CLRN1: variants seen among roughly 807,000 people sequenced by gnomAD.
CLRN1 encodes clarin-1.
In CLRN1, 15 loss-of-function variants were observed where a neutral mutation model predicts 18.7. The observed-to-expected ratio is 0.80, with a 90% CI of 0.54 to 1.23. CLRN1 has a LOEUF of 1.23. CLRN1 is among the 50% of genes most tolerant of loss of function. The pLI is 0.00. For missense variants in CLRN1, 311 were observed against 277.5 expected (o/e 1.12, Z -0.86); for synonymous variants, 104 against 102.9 (o/e 1.01, Z -0.07).
intron 1 of CLRN1, among the ~76,000 whole-genome samples, chr3:150,964,291 C>T (rs542176013): frequency 6.6e-6 from 1 of 152,074 alleles, no homozygotes; most frequent in Admixed American, 6.5e-5. Context: ...ATACGGCCAA[C>T]AAACATGAAA....
chr3:150,929,422 A>G (rs1346955194), intron 2 of CLRN1, among the ~76,000 whole-genome samples: 1 of 152,210 alleles, frequency 6.6e-6, no homozygotes, highest in Non-Finnish European at 1.5e-5. Context: ...ATCTCAGGCC[A>G]CCACAATAGG....
At chr3:150,972,342 A>G in intron 1 of CLRN1, 114 bp downstream of exon 1, 10 of 1,367,274 alleles carry the variant, frequency 7.3e-6, no homozygotes, top group Non-Finnish European at 1.0e-5. Flanking sequence ...TATGGTTCAC[A>G]CCGATTTAAA....
chr3:150,962,450 G>A (rs1207987039), intron 1 of CLRN1, among the ~76,000 whole-genome samples: 2 of 152,006 alleles, frequency 1.3e-5, no homozygotes, highest in South Asian at 4.2e-4. Flanking sequence ...AAAAATGGAC[G>A]TTTGTTTTTA....
rs1275408763 is a variant in CLRN1, at chr3:150,927,494, C to T, written c.*442G>A. On this transcript the variant is annotated 3_prime_UTR_variant, in exon 3 of 3. Transcript: ENST00000327047. ...ATTTTATAGATGTTCATTTAATACA[C>T]TACTGTTTTAGGAAAGCGATTGCAG... is the stretch of plus-strand genomic sequence containing the variant. 18 of 453,688 alleles carry T rather than the reference C, an allele frequency of 4.0e-5. No individual in the cohort carries two copies. The highest frequency in any genetic ancestry group is 7.5e-5 in the Non-Finnish European group (17 of 226,872). The allele number at this position is 453,688 out of a possible 1,614,324, so 28.1% of individuals were successfully genotyped here.
chr3:150,941,077 A>G (rs1247036560), intron 2 of CLRN1, among the ~76,000 whole-genome samples: 11 of 151,800 alleles, frequency 7.2e-5, no homozygotes, highest in Non-Finnish European at 8.8e-5. Context: ...AGTCCCCCAT[A>G]GTGTCATGGG....
intron 2 of CLRN1, among the ~76,000 whole-genome samples, chr3:150,931,373 T>C (rs1713134311): frequency 6.6e-6 from 1 of 152,184 alleles, no homozygotes. Flanking sequence ...TAGAGGGTTC[T>C]GCTCTGTCTC....
chr3:150,954,627 T>C (rs368674920), intron 1 of CLRN1, among the ~76,000 whole-genome samples: 21 of 152,356 alleles, frequency 1.4e-4, no homozygotes, highest in African/African-American at 4.6e-4. Context: ...AACTCCAATT[T>C]ATCAAGATTT....
Position 150,972,536 on chromosome 3 carries a change from A to G in CLRN1, c.173T>C (p.Met58Thr). ...NASGQELDKF[M>T]GEMQYGLFHG... ...GAAAAGCCCGTACTGCATTTCACCC[A>G]TAAACTTGTCCAGCTCCTGCCCTGA... is the stretch of plus-strand genomic sequence containing the variant. The change falls in exon 1 of 3, where the codon ATG becomes ACG. Residue 58 changes from methionine to threonine, a missense_variant. By Grantham distance (81) the Met-to-Thr change is moderately conservative (BLOSUM62 -1). Transcript: ENST00000327047. The G allele has an allele frequency of 6.2e-7, 1 of 1,614,204 alleles. No individual in the cohort carries two copies. Among genetic ancestry groups the G allele is most frequent in the East Asian group, 2.2e-5 (1 of 44,882 alleles).
chr3:150,960,652 C>T (rs1714978770), intron 1 of CLRN1, among the ~76,000 whole-genome samples: 1 of 152,140 alleles, frequency 6.6e-6, no homozygotes. Context: ...CTTGGACATC[C>T]TCTGTAATGG....
intron 1 of CLRN1, among the ~76,000 whole-genome samples, chr3:150,955,179 C>T (rs747259798): frequency 3.9e-5 from 6 of 152,120 alleles, no homozygotes; most frequent in African/African-American, 7.2e-5. Flanking sequence ...ATACAACATC[C>T]TGGAAAAAGC....
intron 1 of CLRN1, among the ~76,000 whole-genome samples, chr3:150,958,435 T>C (rs1714859960): frequency 6.6e-6 from 1 of 152,216 alleles, no homozygotes; most frequent in South Asian, 2.1e-4. Context: ...CTTGCCTTCC[T>C]TAAAAGGCTT....
rs1712931614 is a variant in CLRN1 at position 150,928,145 on chromosome 3, G to T, written c.490C>A (p.Leu164Ile). 1 of 1,613,590 alleles carries T rather than the reference G, an allele frequency of 6.2e-7. No individual in the cohort carries two copies. The highest frequency in any genetic ancestry group is 8.5e-7 in the Non-Finnish European group (1 of 1,179,968). Residue 164 changes from leucine (L) to isoleucine (I), a missense_variant, in exon 3 of 3, where the codon CTC becomes ATC. Transcript: ENST00000327047. ...LFASEVKIHHLSEKIANYKEG... is the reference protein window; with the variant it reads ...LFASEVKIHHISEKIANYKEG... ...TTATAATTTGCAATTTTTTCTGAGA[G>T]GTGATGGATTTTCACTTCAGAGGCA...
chr3:150,939,137 A>C (rs1713654559), intron 2 of CLRN1, among the ~76,000 whole-genome samples: 1 of 152,190 alleles, frequency 6.6e-6, no homozygotes, highest in Non-Finnish European at 1.5e-5. Flanking sequence ...TCCCCAAACT[A>C]GTTCTGCCTT....
At chr3:150,930,654 T>G (rs1383900522) in intron 2 of CLRN1, among the ~76,000 whole-genome samples, 2 of 152,218 alleles carry the variant, frequency 1.3e-5, no homozygotes, top group African/African-American at 2.4e-5. Flanking sequence ...TCTCTTTATC[T>G]TTTATTCGAA....
intron 2 of CLRN1, among the ~76,000 whole-genome samples, chr3:150,935,203 G>T (rs902671408): frequency 1.9e-4 from 28 of 151,188 alleles, no homozygotes; most frequent in Non-Finnish European, 3.8e-4. Flanking sequence ...TGCAGGTTAG[G>T]TACATATGTA....
chr3:150,955,796 A>G (rs937132191), intron 1 of CLRN1, among the ~76,000 whole-genome samples: 1 of 152,156 alleles, frequency 6.6e-6, no homozygotes, highest in South Asian at 2.1e-4. Context: ...TGTTTCTGTT[A>G]GTTTGTCCCA....
intron 1 of CLRN1, among the ~76,000 whole-genome samples, chr3:150,967,355 G>A (rs917358809): frequency 3.3e-5 from 5 of 152,054 alleles, no homozygotes; most frequent in Non-Finnish European, 7.4e-5. Flanking sequence ...TCACAATAGT[G>A]CTTCTCATAC....
chr3:150,927,704 C>A lies in CLRN1; in HGVS notation c.*232G>T, dbSNP rs1041498996. On this transcript the variant is annotated 3_prime_UTR_variant, in exon 3 of 3. Transcript: ENST00000327047. ...CAATTTGTCGATTCTAGTCAACTGCCTTTGACTACCTGGGTCAAGCAATTT... is the reference window on the plus strand; with the variant it reads ...CAATTTGTCGATTCTAGTCAACTGCATTTGACTACCTGGGTCAAGCAATTT... 1.7e-5 allele frequency: 11 copies of A among 664,244 alleles called. No individual in the cohort carries two copies. The East Asian group carries it at 3.3e-4, about 20-fold the overall frequency. 41.1% of individuals were successfully genotyped at this position (664,244 alleles called of 1,614,324 possible).
chr3:150,954,697 A>T (rs890963625), intron 1 of CLRN1, among the ~76,000 whole-genome samples: 4 of 152,222 alleles, frequency 2.6e-5, no homozygotes, highest in Non-Finnish European at 4.4e-5. Flanking sequence ...CAAGGTCACA[A>T]ATATTTTCTG....
Sources: allele counts gnomAD v4.1 joint callset (sites outside exome capture counted in the v4.1 genomes callset), GRCh38; gene constraint gnomAD v4.1.1; transcripts MANE v1.5; gene names NCBI Gene and HGNC (gene_info 2026-07-23, HGNC 2026-07-21).